The following WDR27 variants were observed in gnomAD, a reference collection of about 807,000 sequenced individuals.
The protein encoded by WDR27 is WD repeat domain 27, also known as WD repeat-containing protein 27.
WDR27 carries 100 observed loss-of-function variants against 114.4 expected under a neutral mutation model. The ratio of observed to expected loss-of-function variants is 0.87; its 90% CI spans 0.74 to 1.03. WDR27 has a LOEUF of 1.03. Ranked by LOEUF, WDR27 falls within the 50% of genes least tolerant of loss-of-function variation. WDR27 has a pLI of 0.00. For missense variants in WDR27, 1,129 were observed against 1,092.9 expected (o/e 1.03, Z -0.47); for synonymous variants, 449 against 423.1 (o/e 1.06, Z -0.75).
chr6:169,646,747 C>CAAAAAA (rs201219275), intron 16 of WDR27, among the ~76,000 whole-genome samples: 1 of 78,564 alleles, frequency 1.3e-5, no homozygotes, highest in Admixed American at 1.1e-4. Context: ...GTCTCTGTCT[C>CAAAAAA]AAAAAAAAAA....
chr6:169,469,878 T>C (rs749669614), intron 25 of WDR27, among the ~76,000 whole-genome samples: 1 of 152,244 alleles, frequency 6.6e-6, no homozygotes, highest in Non-Finnish European at 1.5e-5. Flanking sequence ...CATAATCTCT[T>C]TAACAAATGT....
chr6:169,697,062 A>G (rs1483840941), intron 1 of WDR27, among the ~76,000 whole-genome samples: 1 of 152,274 alleles, frequency 6.6e-6, no homozygotes, highest in African/African-American at 2.4e-5. Context: ...CTGTTCCAGT[A>G]TAATAAAATA....
At chr6:169,481,393 G>A (rs1163465409) in intron 25 of WDR27, among the ~76,000 whole-genome samples, 4 of 152,240 alleles carry the variant, frequency 2.6e-5, no homozygotes, top group Non-Finnish European at 4.4e-5. Flanking sequence ...GGATGTGGGT[G>A]GGGTCAGCTA....
chr6:169,483,718 C>G (rs1788510296), intron 25 of WDR27, among the ~76,000 whole-genome samples: 1 of 151,970 alleles, frequency 6.6e-6, no homozygotes, highest in Non-Finnish European at 1.5e-5. Context: ...CAGACACACA[C>G]ACACACACAG....
chr6:169,585,034 A>C (rs1428491493), intron 23 of WDR27, among the ~76,000 whole-genome samples: 1 of 152,242 alleles, frequency 6.6e-6, no homozygotes, highest in East Asian at 1.9e-4. Context: ...ATTTTCAATA[A>C]GGCCATCAAG....
intron 13 of WDR27, among the ~76,000 whole-genome samples, chr6:169,652,473 G>C (rs889437375): frequency 6.6e-6 from 1 of 152,126 alleles, no homozygotes; most frequent in Non-Finnish European, 1.5e-5. Context: ...GGTCTTGAAC[G>C]CCTGACCTCG....
At chr6:169,638,753 T>C (rs1584796574) in intron 17 of WDR27, 93 bp from the exon 18 acceptor site, 2 of 1,461,118 alleles carry the variant, frequency 1.4e-6, no homozygotes, top group East Asian at 2.5e-5. Context: ...ACAACACAAC[T>C]GGAACAGCAT....
chr6:169,689,191 C>A lies in WDR27; in HGVS notation c.-7-179G>T, dbSNP rs539811170. 37 of 471,338 alleles carry A rather than the reference C, an allele frequency of 7.8e-5. No homozygotes were observed. The South Asian group carries it at 9.8e-4, about 12-fold the overall frequency. 29.2% of individuals were successfully genotyped at this position (471,338 alleles called of 1,614,324 possible). The stretch of plus-strand genomic sequence containing the variant: ...GAAATTGCCGAAAACTCTGGAGCTT[C>A]CACATTCTCAACTGCTCCATTCTTC... On this transcript the variant is annotated intron_variant, in intron 1 of 25. Coordinates refer to ENST00000448612, the MANE Select transcript of WDR27 (RefSeq NM_182552.5).
chr6:169,653,746 G>A (rs1562825532), intron 13 of WDR27, among the ~76,000 whole-genome samples: 1 of 152,224 alleles, frequency 6.6e-6, no homozygotes, highest in African/African-American at 2.4e-5. Context: ...ATGAGGACAA[G>A]ATATTGAAAC....
At chr6:169,553,900 TG>T (rs1798528003) in intron 25 of WDR27, among the ~76,000 whole-genome samples, 1 of 152,258 alleles carries the variant, frequency 6.6e-6, no homozygotes, top group African/African-American at 2.4e-5. Context: ...GCAGAAGACC[TG>T]ATTTTACTCT....
intron 25 of WDR27, among the ~76,000 whole-genome samples, chr6:169,479,784 TTTG>T: frequency 6.6e-6 from 1 of 152,264 alleles, no homozygotes; most frequent in East Asian, 1.9e-4. Flanking sequence ...GTTATGGGAG[TTTG>T]TTGTAGAGAT....
chr6:169,670,034 G>C (rs531452187), intron 4 of WDR27: 1 of 152,306 alleles, frequency 6.6e-6, no homozygotes, highest in Non-Finnish European at 1.5e-5. Flanking sequence ...CAATTCAGAG[G>C]AAACAAAAGT....
chr6:169,458,201 GA>G (rs1784500718), intron 25 of WDR27, among the ~76,000 whole-genome samples: 1 of 152,150 alleles, frequency 6.6e-6, no homozygotes, highest in Non-Finnish European at 1.5e-5. Context: ...CCACCTCCCT[GA>G]CCCCACCCTC....
intron 1 of WDR27, among the ~76,000 whole-genome samples, chr6:169,694,666 C>T (rs539873884): frequency 1.2e-4 from 18 of 152,318 alleles, no homozygotes; most frequent in Admixed American, 7.8e-4. Flanking sequence ...TGTAATTAAA[C>T]AGTTATAGCA....
rs115767917 is a variant in WDR27 at position 169,685,717 on chromosome 6, A to G, written c.189+3100T>C. Among the ~76,000 whole-genome samples, 1,312 of 152,306 alleles carry G rather than the reference A, an allele frequency of 8.6e-3. 18 individuals carry two copies. Among genetic ancestry groups the G allele is most frequent in the African/African-American group, 0.03 (1,264 of 41,560 alleles). On this transcript the variant is annotated intron_variant, in intron 2 of 25. Transcript: ENST00000448612. Reference sequence around the variant, plus strand: ...TAAAGCCTATGTGATTTATGAGACTAAGCAAATAAATATTCATAATATGGG... The same window carrying G: ...TAAAGCCTATGTGATTTATGAGACTGAGCAAATAAATATTCATAATATGGG...
chr6:169,545,468 G>A (rs1797346729), intron 25 of WDR27, among the ~76,000 whole-genome samples: 1 of 152,140 alleles, frequency 6.6e-6, no homozygotes, highest in African/African-American at 2.4e-5. Context: ...GGCCAAAGCG[G>A]GTGGATCACT....
rs116842408 is a variant in WDR27, at chr6:169,551,210, C to T, written c.2645+21209G>A. On this transcript the variant is annotated intron_variant, in intron 25 of 25. Transcript: ENST00000448612. The stretch of plus-strand genomic sequence containing the variant: ...ATCATACTTCAGTTGGATGAAACTA[C>T]TACAGTAAACAAACTGATTTCTACC... Among the ~76,000 whole-genome samples, 221 of 152,264 alleles carry T rather than the reference C, an allele frequency of 1.5e-3. 4 individuals are homozygous for T. In the East Asian group the frequency reaches 0.04, roughly 27 times the overall value.
At chr6:169,658,071 T>G in intron 13 of WDR27, 1 of 493,198 alleles carries the variant, frequency 2.0e-6, no homozygotes, top group Non-Finnish European at 3.8e-6. Flanking sequence ...TGATGGCCAA[T>G]TCAGGAGGCG....
intron 1 of WDR27, among the ~76,000 whole-genome samples, chr6:169,701,273 G>T (rs1466010330): frequency 1.3e-5 from 2 of 152,152 alleles, no homozygotes; most frequent in African/African-American, 4.8e-5. Context: ...GATTAGAAAA[G>T]ATCGAAATTT....
Sources: allele counts gnomAD v4.1 joint callset (sites outside exome capture counted in the v4.1 genomes callset), GRCh38; gene constraint gnomAD v4.1.1; transcripts MANE v1.5; gene names NCBI Gene and HGNC (gene_info 2026-07-23, HGNC 2026-07-21).